SRGAP2B: variants seen among roughly 807,000 people sequenced by gnomAD.
SRGAP2B encodes SLIT-ROBO Rho GTPase activating protein 2B, also known as SLIT-ROBO Rho GTPase-activating protein 2B.
In SRGAP2B, 9 loss-of-function variants were observed where a neutral mutation model predicts 22.2. That is an observed-to-expected ratio of 0.41 (90% CI 0.24 to 0.71). The LOEUF is 0.71. Ranked by LOEUF, SRGAP2B falls within the 30% of genes least tolerant of loss-of-function variation. The probability of loss-of-function intolerance (pLI) is 0.35; values close to 1 mark genes in which losing one functional copy is unlikely to be tolerated. For missense variants in SRGAP2B, 114 were observed against 235.8 expected, an observed-to-expected ratio of 0.48 and a Z score of 3.38; for synonymous variants, 36 against 87.4, an observed-to-expected ratio of 0.41 and a Z score of 3.28.
intron 3 of SRGAP2B, among the ~76,000 whole-genome samples, chr1:144,975,030 A>T (rs1668792348): frequency 1.4e-5 from 2 of 147,148 alleles, no homozygotes; most frequent in African/African-American, 5.4e-5. Flanking sequence ...GCTGGTCCAG[A>T]AGTAGGGGAA....
intron 2 of SRGAP2B, among the ~76,000 whole-genome samples, chr1:145,044,896 G>A (rs782756134): frequency 2.7e-5 from 4 of 149,216 alleles, no homozygotes; most frequent in Non-Finnish European, 5.9e-5. Flanking sequence ...TAGATTCTAG[G>A]TCTGGGTAGT....
At position 144,965,123 on chromosome 1, in the gene SRGAP2B, C is replaced by A. The variant is rs1667977173; in HGVS notation, c.261-9522G>T. On this transcript the variant is annotated intron_variant, in intron 3 of 9. Transcript: ENST00000612199. ...GATGCTTGGATTGTCTGCTTCAAGC[C>A]CTGGCTCAAAATAAATGATTCAGTG... The A allele has an allele frequency of 6.6e-5, 82 of 1,234,566 alleles. No individual in the cohort carries two copies. The South Asian group carries it at 1.0e-3, about 15-fold the overall frequency. The allele number at this position is 1,234,566 out of a possible 1,614,324, so 76.5% of individuals were successfully genotyped here.
In SRGAP2B at chr1:144,968,622, A is replaced by G. The variant is rs199632637; in HGVS notation, c.261-13021T>C. On this transcript the variant is annotated intron_variant, in intron 3 of 9. Transcript: ENST00000612199. ...CTCTCTCACCACTCCTATTCAACAT[A>G]GTGTTGGAAGTTCTGGCCAGAGCAA... 3.4e-5 allele frequency among the ~76,000 whole-genome samples: 4 copies of G among 118,916 alleles called. No homozygotes were observed. The East Asian group carries it at 8.3e-4, about 25-fold the overall frequency. The allele number at this position is 118,916 out of a possible 152,430, so 78.0% of individuals were successfully genotyped here. A position where few individuals can be genotyped will look rare whatever the true frequency, so the allele number is the denominator to read the frequency against.
intron 2 of SRGAP2B, among the ~76,000 whole-genome samples, chr1:145,045,296 CAAAA>C (rs71259136): frequency 4.8e-5 from 2 of 41,966 alleles, no homozygotes; most frequent in Non-Finnish European, 9.3e-5. Flanking sequence ...GACTCCGCCT[CAAAA>C]AAAAAAAAAA....
intron 2 of SRGAP2B, among the ~76,000 whole-genome samples, chr1:145,061,596 T>TC (rs111706501): frequency 9.1e-5 from 13 of 143,444 alleles, no homozygotes; most frequent in African/African-American, 1.3e-4. Flanking sequence ...CACTTTTTTT[T>TC]CCCCCCTCTG....
intron 4 of SRGAP2B, among the ~76,000 whole-genome samples, chr1:144,924,887 A>G (rs587671606): frequency 0.062 from 7,581 of 122,420 alleles, 754 homozygotes; most frequent in African/African-American, 0.21. Context: ...ATCTCTCATT[A>G]GGGTGATGAT....
At chr1:145,044,426 G>A (rs1412779278) in intron 2 of SRGAP2B, among the ~76,000 whole-genome samples, 1 of 132,478 alleles carries the variant, frequency 7.5e-6, no homozygotes, top group Non-Finnish European at 1.6e-5. Context: ...TACAGTGGAG[G>A]TTACTAGTCA....
intron 2 of SRGAP2B, among the ~76,000 whole-genome samples, chr1:145,005,940 C>A (rs1419299213): frequency 6.7e-6 from 1 of 150,358 alleles, no homozygotes; most frequent in African/African-American, 2.5e-5. Flanking sequence ...TTATTGAGGG[C>A]CTGCTCTGCC....
intron 4 of SRGAP2B, among the ~76,000 whole-genome samples, chr1:144,921,055 T>C (rs1369675581): frequency 6.7e-6 from 1 of 148,760 alleles, no homozygotes; most frequent in Non-Finnish European, 1.5e-5. Flanking sequence ...AAACAGAAAG[T>C]TTAAAAGTTT....
At chr1:144,991,081 C>T (rs1462348418) in intron 3 of SRGAP2B, among the ~76,000 whole-genome samples, 16 of 151,042 alleles carry the variant, frequency 1.1e-4, no homozygotes, top group Non-Finnish European at 1.3e-4. Context: ...AGCCCCGGTG[C>T]GGGATCCACT....
At chr1:144,965,590 C>A (rs1668021798) in intron 3 of SRGAP2B, among the ~76,000 whole-genome samples, 1 of 137,786 alleles carries the variant, frequency 7.3e-6, no homozygotes, top group Non-Finnish European at 1.5e-5. Context: ...CGCCTCTCCT[C>A]CTCCAAAGGA....
chr1:145,088,418 C>T (rs1373352252), intron 2 of SRGAP2B, among the ~76,000 whole-genome samples: 19 of 135,142 alleles, frequency 1.4e-4, no homozygotes, highest in Admixed American at 1.3e-3. Context: ...TCGCTTCCAG[C>T]TCTGTGGTGC....
intron 3 of SRGAP2B, among the ~76,000 whole-genome samples, chr1:144,975,306 G>A (rs1240106845): frequency 6.8e-6 from 1 of 147,968 alleles, no homozygotes; most frequent in Admixed American, 6.6e-5. Flanking sequence ...ATTGAGGGAT[G>A]CTATGGTTTG....
intron 2 of SRGAP2B, among the ~76,000 whole-genome samples, chr1:145,020,573 T>G (rs1407939367): frequency 6.8e-6 from 1 of 147,268 alleles, no homozygotes; most frequent in South Asian, 2.1e-4. Flanking sequence ...ATATTCATCA[T>G]GTTTATTGTT....
intron 2 of SRGAP2B, among the ~76,000 whole-genome samples, chr1:145,020,998 T>C (rs1359643718): frequency 2.0e-5 from 3 of 150,262 alleles, no homozygotes; most frequent in Non-Finnish European, 4.4e-5. Context: ...GCATTTTTAG[T>C]ATTTTTCACC....
intron 3 of SRGAP2B, among the ~76,000 whole-genome samples, chr1:144,983,208 C>T (rs1301891551): frequency 1.4e-5 from 2 of 138,778 alleles, no homozygotes; most frequent in Admixed American, 7.1e-5. Flanking sequence ...CACCCTTTTC[C>T]GATTTGCAAC....
At chr1:144,943,864 C>G (rs587653256) in intron 4 of SRGAP2B, among the ~76,000 whole-genome samples, 1 of 150,106 alleles carries the variant, frequency 6.7e-6, no homozygotes, top group Non-Finnish European at 1.5e-5. Context: ...GTCCTAGGAA[C>G]CCCCTCAGCC....
At chr1:144,909,870 C>A (rs1372893409) in intron 5 of SRGAP2B, among the ~76,000 whole-genome samples, 3 of 150,144 alleles carry the variant, frequency 2.0e-5, no homozygotes, top group Non-Finnish European at 4.4e-5. Flanking sequence ...AGATAAGAGA[C>A]CTAGAAATAC....
chr1:144,930,510 T>C (rs1420057700), intron 4 of SRGAP2B, among the ~76,000 whole-genome samples: 4 of 143,062 alleles, frequency 2.8e-5, no homozygotes, highest in Non-Finnish European at 6.0e-5. Context: ...GACCACCAAA[T>C]GGAGGAACTC....
Sources: allele counts gnomAD v4.1 joint callset (sites outside exome capture counted in the v4.1 genomes callset), GRCh38; gene constraint gnomAD v4.1.1; transcripts MANE v1.5; gene names NCBI Gene and HGNC (gene_info 2026-07-23, HGNC 2026-07-21).